Variants in DIXDC1 observed in about 807,000 individuals in gnomAD.
The protein encoded by DIXDC1 is DIX domain containing 1, also known as dixin.
Under a neutral mutation model 103.1 loss-of-function variants are expected in DIXDC1, and 64 were observed. The ratio of observed to expected loss-of-function variants is 0.62; its 90% CI spans 0.51 to 0.76. The LOEUF is 0.76. DIXDC1 is among the 30% of genes least tolerant of loss of function. DIXDC1 has a pLI of 0.00. For missense variants in DIXDC1, 759 were observed against 834.2 expected (o/e 0.91, Z 1.11); for synonymous variants, 266 against 298.5 (o/e 0.89, Z 1.12).
chr11:111,975,342 C>T (rs1279966186), intron 5 of DIXDC1: 1 of 1,090,988 alleles, frequency 9.2e-7, no homozygotes, highest in Non-Finnish European at 1.1e-6. Context: ...TGTCCTTGAG[C>T]CTAAGTGTAA....
At chr11:111,982,095 TC>T (rs1389111914) in intron 6 of DIXDC1, 1 of 338,042 alleles carries the variant, frequency 3.0e-6, no homozygotes, top group Non-Finnish European at 5.4e-6. Context: ...GTGGAGGGAA[TC>T]TTAATACTTC....
At chr11:111,931,461 A>G (rs1208884816) in intron 2 of DIXDC1, among the ~76,000 whole-genome samples, 2 of 152,044 alleles carry the variant, frequency 1.3e-5, no homozygotes, top group Non-Finnish European at 2.9e-5. Flanking sequence ...TGGCCAACAT[A>G]GTGAAACCCC....
At position 111,977,180 on chromosome 11, in the gene DIXDC1, C is replaced by T. The variant is rs1338811774; in HGVS notation, c.656+2197C>T. 7.9e-6 allele frequency: 7 copies of T among 887,768 alleles called. No individual in the cohort carries two copies. Among genetic ancestry groups the T allele is most frequent in the Non-Finnish European group, 9.5e-6 (7 of 740,458 alleles). The allele number at this position is 887,768 out of a possible 1,614,324, so 55.0% of individuals were successfully genotyped here. A position where few individuals can be genotyped will look rare whatever the true frequency, so the allele number is the denominator to read the frequency against. ...CCCACCTCCACCCCGCCCAGCCCCG[C>T]CCCTGGCCCGCACCCTCAACCTCCG... On this transcript the variant is annotated intron_variant, in intron 5 of 19. Coordinates refer to ENST00000440460, the MANE Select transcript of DIXDC1 (RefSeq NM_001037954.4). This position sits in a 1 kb window ranked among gnomAD's most constrained non-coding sequence, Gnocchi z 6.1.
At position 112,017,875 on chromosome 11, in the gene DIXDC1, T is replaced by C; in HGVS notation, c.1961T>C (p.Val654Ala). The C allele has an allele frequency of 6.2e-7, 1 of 1,607,974 alleles. No homozygotes were observed. The highest frequency in any genetic ancestry group is 1.1e-5 in the South Asian group (1 of 89,768). The part of the protein sequence containing the change: ...FKALDPEFGT[V>A]KEEIFHDDDA... ...GCACTGGATCCTGAGTTTGGCACTG[T>C]CAAAGAGGAGGTAAAGAATCTGTGG... The change falls in exon 19 of 20, where the codon GTC becomes GCC. Residue 654 changes from valine (V) to alanine (A), a missense_variant. By Grantham distance (64) the Val-to-Ala change is moderately conservative (BLOSUM62 0). Transcript: ENST00000440460. The surrounding 1 kb of genome is among the most constrained non-coding windows in gnomAD (Gnocchi z 4.0).
intron 5 of DIXDC1, chr11:111,975,405 C>T: frequency 9.7e-7 from 1 of 1,032,346 alleles, no homozygotes. Flanking sequence ...AGAAATTGAG[C>T]AGAGTTGTCT....
At chr11:111,981,017 C>G (rs1860285545) in intron 6 of DIXDC1, among the ~76,000 whole-genome samples, 168 bp downstream of exon 6, 1 of 152,146 alleles carries the variant, frequency 6.6e-6, no homozygotes, top group Non-Finnish European at 1.5e-5. Flanking sequence ...TGTGGTTATC[C>G]TCTTGCAGAA....
chr11:111,932,534 C>T (rs149433380), upstream of DIXDC1, among the ~76,000 whole-genome samples: 145 of 149,194 alleles, frequency 9.7e-4, no homozygotes, highest in African/African-American at 3.2e-3. Flanking sequence ...TGCAGTGAGC[C>T]GAGATCGCTC....
At chr11:111,996,780 G>T (rs1045837850) in intron 17 of DIXDC1, among the ~76,000 whole-genome samples, 1 of 152,238 alleles carries the variant, frequency 6.6e-6, no homozygotes, top group Non-Finnish European at 1.5e-5. Context: ...AACCCAGGAG[G>T]TGGAGGTTGT....
Position 111,982,395 on chromosome 11 carries a change from C to T in DIXDC1, c.826C>T (p.Leu276=). Residue 276 remains leucine, a synonymous_variant, in exon 7 of 20, where the codon CTG becomes TTG. Transcript: ENST00000440460. The part of the protein sequence containing the change: ...DWRPGSPGTY[L]ETSWEEQLLE... ...GCGGCCAGGGAGCCCTGGAACCTAT[C>T]TGGAGACCTCATGGGAAGAACAGCT... is the stretch of plus-strand genomic sequence containing the variant. 2.5e-6 allele frequency: 4 copies of T among 1,613,926 alleles called. No homozygotes were observed. The highest frequency in any genetic ancestry group is 3.4e-6 in the Non-Finnish European group (4 of 1,179,866).
chr11:111,983,055 CCCG>C (rs1860370365), intron 7 of DIXDC1, among the ~76,000 whole-genome samples: 1 of 152,250 alleles, frequency 6.6e-6, no homozygotes, highest in Non-Finnish European at 1.5e-5. Context: ...GGCAAATCTA[CCCG>C]AGACTGACCC....
In DIXDC1 at chr11:112,019,307, C is replaced by T. The variant is rs587672969; in HGVS notation, c.*271C>T. ...CTATTCTACTCTGAGGACAACAAAC[C>T]GAAGGCCTTAAACGATGGGGATGGA... is the stretch of plus-strand genomic sequence containing the variant. On this transcript the variant is annotated 3_prime_UTR_variant, in exon 20 of 20. Transcript: ENST00000440460. 344 of 251,566 alleles carry T rather than the reference C, an allele frequency of 1.4e-3. No homozygotes were observed. Among genetic ancestry groups the T allele is most frequent in the Middle Eastern group, 2.5e-3 (2 of 786 alleles). The allele number at this position is 251,566 out of a possible 1,614,324, so 15.6% of individuals were successfully genotyped here. A position where few individuals can be genotyped will look rare whatever the true frequency, so the allele number is the denominator to read the frequency against.
intron 6 of DIXDC1, among the ~76,000 whole-genome samples, chr11:111,981,248 A>G (rs1860297735): frequency 6.6e-6 from 1 of 152,230 alleles, no homozygotes. Flanking sequence ...CTGTGAGGGC[A>G]CAGAGAATAG....
At chr11:111,944,705 G>A (rs587648677) in intron 1 of DIXDC1, among the ~76,000 whole-genome samples, 2 of 152,274 alleles carry the variant, frequency 1.3e-5, no homozygotes, top group African/African-American at 4.8e-5. Context: ...CGGCCACCTC[G>A]TGGTACTATC....
At chr11:111,950,440 T>TATATATATA (rs1566474109) in intron 1 of DIXDC1, among the ~76,000 whole-genome samples, 7 of 7,234 alleles carry the variant, frequency 9.7e-4, no homozygotes, top group Non-Finnish European at 1.3e-3. Flanking sequence ...ATATATATAT[T>TATATATATA]TTTTTTTTTT....
intron 3 of DIXDC1, 68 bp downstream of exon 3, chr11:111,968,706 T>A: frequency 6.9e-7 from 1 of 1,449,794 alleles, no homozygotes; most frequent in Non-Finnish European, 9.2e-7. Flanking sequence ...CTCAGGAAAA[T>A]CCTTGGCTGT....
intron 3 of DIXDC1, among the ~76,000 whole-genome samples, chr11:111,971,272 A>G (rs1859914655): frequency 6.6e-6 from 1 of 152,178 alleles, no homozygotes; most frequent in East Asian, 1.9e-4. Context: ...CTTAAATAAC[A>G]AGCAAAAACA....
chr11:111,947,790 C>A (rs1555169514), intron 1 of DIXDC1, among the ~76,000 whole-genome samples: 1 of 152,226 alleles, frequency 6.6e-6, no homozygotes, highest in African/African-American at 2.4e-5. Context: ...ATAGTGATGA[C>A]ATGCCAAAGG....
chr11:111,977,396 G>C lies in DIXDC1; in HGVS notation c.656+2413G>C, dbSNP rs933242911. 9.7e-5 allele frequency: 109 copies of C among 1,120,560 alleles called. No homozygotes were observed. The highest frequency in any genetic ancestry group is 1.2e-4 in the Non-Finnish European group (108 of 915,292). The allele number at this position is 1,120,560 out of a possible 1,614,324, so 69.4% of individuals were successfully genotyped here. ...GGAGCCTCCCTCCCAGTGGGAGATG[G>C]GTTGAGATGCCCCCGCCAGGGGGGA... On this transcript the variant is annotated intron_variant, in intron 5 of 19. Coordinates refer to ENST00000440460, the MANE Select transcript of DIXDC1 (RefSeq NM_001037954.4). This position sits in a 1 kb window ranked among gnomAD's most constrained non-coding sequence, Gnocchi z 6.1.
rs782306796 is a variant in DIXDC1, at chr11:111,995,070, A to G, written c.1489A>G (p.Thr497Ala). Residue 497 changes from threonine to alanine, a missense_variant, in exon 15 of 20, where the codon ACG becomes GCG. Coordinates refer to ENST00000440460, the MANE Select transcript of DIXDC1 (RefSeq NM_001037954.4). ...TCAAAGCAATGGTTTTCTCCTTCCA[A>G]CGGCAGGAAAAGGAGCTACTTCAGT... ...NSQSNGFLLP[T>A]AGKGATSVSN... is the part of the protein sequence containing the mutation. 7.4e-6 allele frequency: 12 copies of G among 1,613,676 alleles called. No individual in the cohort carries two copies. The highest frequency in any genetic ancestry group is 6.7e-5 in the East Asian group (3 of 44,900).
Sources: gnomAD v4.1 joint callset for allele counts (sites outside exome capture counted in the v4.1 genomes callset) on GRCh38, gnomAD v4.1.1 for gene constraint, Gnocchi (gnomAD v3.1) non-coding constraint, MANE v1.5 for transcripts, NCBI Gene and HGNC (gene_info 2026-07-23, HGNC 2026-07-21) for gene names.